TTC23L: variants seen among roughly 807,000 people sequenced by gnomAD.
TTC23L encodes the protein tetratricopeptide repeat protein 23-like.
A neutral mutation model predicts 48.1 loss-of-function variants in TTC23L; 42 were observed. That is an observed-to-expected ratio of 0.87 (90% CI 0.68 to 1.13). The LOEUF (loss-of-function observed/expected upper bound fraction) is 1.13, where lower values mean the gene tolerates loss of function less well. Ranked by LOEUF, TTC23L falls within the 50% of genes most tolerant of loss-of-function variation. The pLI is 0.00. For synonymous variants in TTC23L, 159 were observed against 157.2 expected (o/e 1.01, Z -0.09); for missense variants, 391 against 421.0 (o/e 0.93, Z 0.62).
chr5:34,912,194 G>GT, the TTC23L span, among the ~76,000 whole-genome samples: 1 of 152,200 alleles, frequency 6.6e-6, no homozygotes, highest in Non-Finnish European at 1.5e-5. Flanking sequence ...TTCAATGTGT[G>GT]TAACAGTGGA....
At chr5:34,844,500 G>T (rs1309619349) in intron 2 of TTC23L, among the ~76,000 whole-genome samples, 1 of 142,560 alleles carries the variant, frequency 7.0e-6, no homozygotes, top group Non-Finnish European at 1.5e-5. Flanking sequence ...GTGCTTTTCT[G>T]ATTTTTTTTT....
At chr5:34,907,549 C>A in the TTC23L span, 1 of 152,118 alleles carries the variant, frequency 6.6e-6, no homozygotes, top group African/African-American at 2.4e-5. Flanking sequence ...TTATATGCCA[C>A]AAAAATTATT....
At chr5:34,902,340 TG>T, downstream of TTC23L, 1 of 279,524 alleles carries the variant, frequency 3.6e-6, no homozygotes, top group Admixed American at 3.5e-5. Context: ...CACTTGAACC[TG>T]GGAGGTGGAG....
chr5:34,914,868 G>A, the TTC23L span: 11 of 1,614,090 alleles, frequency 6.8e-6, no homozygotes, highest in Admixed American at 1.7e-5. Context: ...TCCTCGTCTT[G>A]GATCTGTTGG....
At chr5:34,918,801 A>G in the TTC23L span, 3 of 185,562 alleles carry the variant, frequency 1.6e-5, no homozygotes, top group African/African-American at 2.4e-5. Flanking sequence ...GGACTGCCAC[A>G]TGTTGCTTTT....
chr5:34,864,462 C>T lies in TTC23L; in HGVS notation c.562C>T (p.Gln188Ter), dbSNP rs888958252. Residue 188 changes from glutamine (Q) to a stop codon, truncating the protein, a stop_gained, in exon 6 of 11, where the codon CAG becomes TAG. Coordinates refer to ENST00000505624, the Ensembl canonical transcript of TTC23L. LOFTEE classifies it high-confidence loss of function. ...TGGCAGAGAAGCCTATTTCAACCTG[C>T]AGAAGGCAGAGAGAAACATGAAGGA... 2 of 1,613,548 alleles carry T rather than the reference C, an allele frequency of 1.2e-6. No individual in the cohort carries two copies. The highest frequency in any genetic ancestry group is 2.7e-5 in the African/African-American group (2 of 74,890).
chr5:34,913,912 T>C, the TTC23L span: 1 of 453,460 alleles, frequency 2.2e-6, no homozygotes, highest in African/African-American at 2.0e-5. Flanking sequence ...GATACGGGGG[T>C]CTCACTATGA....
exon 4 of TTC23L, chr5:34,850,205 G>A (rs779639527): frequency 1.2e-6 from 2 of 1,613,790 alleles, no homozygotes; most frequent in African/African-American, 1.3e-5. Flanking sequence ...CAAACAAGGA[G>A]CTGATTCGAT....
rs576342477 is a variant in TTC23L at position 34,851,938 on chromosome 5, AG to A, written c.379+1631del. On this transcript the variant is annotated intron_variant, in intron 4 of 10. Transcript: ENST00000505624. ...GGTAGGAACAAAATTCTGGGGAGGCAGTTCAGTGGTATTGCCATTGAGGAAA... is the reference window on the plus strand; with the variant it reads ...GGTAGGAACAAAATTCTGGGGAGGCATTCAGTGGTATTGCCATTGAGGAAA... 2.7e-3 allele frequency among the ~76,000 whole-genome samples: 413 copies of A among 152,328 alleles called. 2 individuals are homozygous for A. The highest frequency in any genetic ancestry group is 9.2e-3 in the African/African-American group (382 of 41,574).
chr5:34,914,781 C>T, the TTC23L span: 1 of 1,614,226 alleles, frequency 6.2e-7, no homozygotes, highest in Non-Finnish European at 8.5e-7. Flanking sequence ...GTGGCATGTT[C>T]TCGGAAATGA....
chr5:34,902,149 C>T (rs75623244), downstream of TTC23L, among the ~76,000 whole-genome samples: 4,428 of 152,172 alleles, frequency 0.029, 90 homozygotes, highest in Admixed American at 0.072. Context: ...AATGGCCGGG[C>T]GCGGTGGCTT....
chr5:34,901,712 A>C (rs780095017), downstream of TTC23L, among the ~76,000 whole-genome samples: 1 of 152,194 alleles, frequency 6.6e-6, no homozygotes. Flanking sequence ...CGGTGAGCTG[A>C]GATCATGCAA....
intron 9 of TTC23L, chr5:34,883,590 A>T (rs1340712873): frequency 6.6e-6 from 1 of 152,382 alleles, no homozygotes; most frequent in Non-Finnish European, 1.5e-5. Context: ...GAAAGAAGAG[A>T]CATTAAGCTG....
intron 9 of TTC23L, among the ~76,000 whole-genome samples, chr5:34,885,321 A>C (rs1220343786): frequency 6.6e-6 from 1 of 152,220 alleles, no homozygotes; most frequent in Non-Finnish European, 1.5e-5. Context: ...TACTGGAACA[A>C]TTGGGAAATT....
chr5:34,922,085 T>C, the TTC23L span: 1 of 480,198 alleles, frequency 2.1e-6, no homozygotes, highest in Non-Finnish European at 3.7e-6. Context: ...AATAAATACA[T>C]GTTTAGGCCT....
chr5:34,891,447 A>T (rs1368745607), intron 9 of TTC23L, among the ~76,000 whole-genome samples: 5 of 152,218 alleles, frequency 3.3e-5, no homozygotes, highest in Non-Finnish European at 7.3e-5. Context: ...CTGGCAGAGT[A>T]TGCGCTCAAT....
At chr5:34,840,019 G>A (rs1758478000) in intron 1 of TTC23L, among the ~76,000 whole-genome samples, 1 of 152,192 alleles carries the variant, frequency 6.6e-6, no homozygotes, top group East Asian at 1.9e-4. Context: ...AGCCTCCCGA[G>A]TAGCTGGAAC....
the TTC23L span, chr5:34,925,011 C>T: frequency 6.3e-7 from 1 of 1,589,594 alleles, no homozygotes; most frequent in African/African-American, 1.4e-5. Context: ...CTTCAATGTA[C>T]CAGAACCCTT....
At chr5:34,915,239 G>A in the TTC23L span, 1 of 318,560 alleles carries the variant, frequency 3.1e-6, no homozygotes, top group East Asian at 6.6e-5. Flanking sequence ...AATCCGCGGG[G>A]AGTCGGTTTT....
Sources: gnomAD v4.1 joint callset for allele counts (sites outside exome capture counted in the v4.1 genomes callset) on GRCh38, gnomAD v4.1.1 for gene constraint, MANE v1.5 for transcripts, NCBI Gene and HGNC (gene_info 2026-07-23, HGNC 2026-07-21) for gene names.